The following ATP13A3 variants were observed in gnomAD, a reference collection of about 807,000 sequenced individuals.
ATP13A3 encodes the protein ATPase 13A3.
A neutral mutation model predicts 158.1 loss-of-function variants in ATP13A3; 59 were observed. The observed-to-expected ratio is 0.37, with a 90% CI of 0.30 to 0.46. The LOEUF (loss-of-function observed/expected upper bound fraction) is 0.46. ATP13A3 is among the 20% of genes least tolerant of loss of function. ATP13A3 has a pLI of 1.00. For missense variants in ATP13A3, 1,166 were observed against 1,525.2 expected (o/e 0.76, Z 3.92); for synonymous variants, 491 against 504.3 (o/e 0.97, Z 0.35).
At chr3:194,407,462 G>A (rs1715017270) in intron 33 of ATP13A3, among the ~76,000 whole-genome samples, 1 of 152,164 alleles carries the variant, frequency 6.6e-6, no homozygotes. Flanking sequence ...AGCTCTTAAA[G>A]CTTTTTCATA....
chr3:194,485,000 T>A (rs557972506), intron 2 of ATP13A3, among the ~76,000 whole-genome samples: 1 of 149,924 alleles, frequency 6.7e-6, no homozygotes, highest in African/African-American at 2.5e-5. Flanking sequence ...GAAGTTACAG[T>A]GAGCCGAGTT....
chr3:194,421,707 A>G (rs1716393426), intron 30 of ATP13A3, among the ~76,000 whole-genome samples: 1 of 152,062 alleles, frequency 6.6e-6, no homozygotes, highest in Non-Finnish European at 1.5e-5. Context: ...CAGATAAGGA[A>G]AAAGTGTTTG....
At chr3:194,469,295 T>C (rs777806653) in intron 2 of ATP13A3, among the ~76,000 whole-genome samples, 20 of 151,964 alleles carry the variant, frequency 1.3e-4, no homozygotes, top group Non-Finnish European at 2.4e-4. Flanking sequence ...CCATCTCTAC[T>C]AAAAATACAA....
Position 194,449,229 on chromosome 3 carries a change from T to A in ATP13A3, c.971-593A>T, listed in dbSNP as rs79112606. On this transcript the variant is annotated intron_variant, in intron 11 of 33. Coordinates refer to ENST00000645319, the MANE Select transcript of ATP13A3 (RefSeq NM_001367549.1). Reference sequence around the variant, plus strand: ...CACATTTCTTGCTTCAAAGAAGGCATGTGTGTCAGATATGTATTTGTTTGT... The same window carrying A: ...CACATTTCTTGCTTCAAAGAAGGCAAGTGTGTCAGATATGTATTTGTTTGT... 1.6e-3 allele frequency among the ~76,000 whole-genome samples: 249 copies of A among 152,290 alleles called. 2 individuals are homozygous for A. The Middle Eastern group carries it at 0.034, about 21-fold the overall frequency.
In ATP13A3 at chr3:194,464,093, G is replaced by A. The variant is rs775436543; in HGVS notation, c.-46-1857C>T. 9.9e-5 allele frequency among the ~76,000 whole-genome samples: 15 copies of A among 152,264 alleles called. 1 individual carries two copies. In the South Asian group the frequency reaches 2.9e-3, roughly 29 times the overall value. ...AGAGAATTGCTTGAACCCAGGAGGCGGAGGTTGTAGTAAGCTGAGATCACC... is the reference window on the plus strand; with the variant it reads ...AGAGAATTGCTTGAACCCAGGAGGCAGAGGTTGTAGTAAGCTGAGATCACC... On this transcript the variant is annotated intron_variant, in intron 2 of 33. Coordinates refer to ENST00000645319, the MANE Select transcript of ATP13A3 (RefSeq NM_001367549.1).
In ATP13A3 at chr3:194,421,114, G is replaced by GTGTATATA. The variant is rs774431656; in HGVS notation, c.3314-1148_3314-1147insTATATACA. Among the ~76,000 whole-genome samples the GTGTATATA allele has an allele frequency of 8.6e-4, 7 of 8,112 alleles. 1 individual carries two copies. The highest frequency in any genetic ancestry group is 3.4e-3 in the African/African-American group (6 of 1,746). The allele number at this position is 8,112 out of a possible 152,430, so 5.3% of individuals were successfully genotyped here. The stretch of plus-strand genomic sequence containing the variant: ...GTTTATATATACCAGTGTGTAGGGT[G>GTGTATATA]TATATATATATATATATATATAGTA... On this transcript the variant is annotated intron_variant, in intron 30 of 33. Coordinates refer to ENST00000645319, the MANE Select transcript of ATP13A3 (RefSeq NM_001367549.1).
intron 2 of ATP13A3, chr3:194,493,976 T>C (rs913932428): frequency 2.0e-5 from 8 of 393,682 alleles, no homozygotes; most frequent in African/African-American, 1.6e-4. Context: ...AGGAAGATTA[T>C]TTCTGCTTAC....
At chr3:194,447,726 T>C in intron 13 of ATP13A3, 126 bp downstream of exon 13, 2 of 833,780 alleles carry the variant, frequency 2.4e-6, no homozygotes, top group South Asian at 3.8e-5. Context: ...TAGCATTAAA[T>C]TAATTAAAAT....
chr3:194,408,060 G>GC (rs1715077829), intron 33 of ATP13A3, among the ~76,000 whole-genome samples: 1 of 145,394 alleles, frequency 6.9e-6, no homozygotes, highest in Admixed American at 7.0e-5. Flanking sequence ...TTGCTCTGTC[G>GC]CCAGGCTGGA....
chr3:194,420,695 T>C (rs114306799), intron 30 of ATP13A3, among the ~76,000 whole-genome samples: 13 of 152,022 alleles, frequency 8.6e-5, no homozygotes, highest in African/African-American at 2.9e-4. Context: ...TGCTTGCTCA[T>C]GGCCATTTTC....
intron 31 of ATP13A3, among the ~76,000 whole-genome samples, chr3:194,415,270 G>C (rs1485020469): frequency 1.3e-5 from 2 of 152,218 alleles, no homozygotes; most frequent in African/African-American, 4.8e-5. Flanking sequence ...GAGGCTAACG[G>C]CCTTGCTGAG....
intron 6 of ATP13A3, chr3:194,459,259 T>G (rs909204018): frequency 1.9e-6 from 1 of 515,136 alleles, no homozygotes; most frequent in Admixed American, 3.5e-5. Flanking sequence ...CTAAGTTTCA[T>G]GTAAACTCTG....
At chr3:194,493,753 T>G (rs942447662) in intron 2 of ATP13A3, among the ~76,000 whole-genome samples, 74 of 152,312 alleles carry the variant, frequency 4.9e-4, no homozygotes, top group Non-Finnish European at 7.2e-4. Flanking sequence ...TTATTCATGT[T>G]TTTTTCCTAA....
At chr3:194,410,310 A>AC (rs1370092935) in intron 33 of ATP13A3, among the ~76,000 whole-genome samples, 9 of 141,738 alleles carry the variant, frequency 6.3e-5, no homozygotes, top group Admixed American at 2.1e-4. Context: ...AAAAAAAAAA[A>AC]AAAAAAAAAA....
rs563657210 is a variant in ATP13A3, at chr3:194,448,344, C to T, written c.1150+113G>A. The T allele has an allele frequency of 2.3e-5, 29 of 1,272,364 alleles. No individual in the cohort carries two copies. Among genetic ancestry groups the T allele is most frequent in the Admixed American group, 4.2e-5 (2 of 47,424 alleles). 78.8% of individuals were successfully genotyped at this position (1,272,364 alleles called of 1,614,324 possible). ...CCGCCCACCTCGGCTTCCCAAAGTG[C>T]TGGGATTACAGGCGTTAGCCACAGC... On this transcript the variant is annotated intron_variant, in intron 12 of 33. Coordinates refer to ENST00000645319, the MANE Select transcript of ATP13A3 (RefSeq NM_001367549.1). The surrounding 1 kb of genome is among the most constrained non-coding windows in gnomAD (Gnocchi z 4.0).
At chr3:194,458,555 T>G (rs936825916) in intron 6 of ATP13A3, among the ~76,000 whole-genome samples, 1 of 152,024 alleles carries the variant, frequency 6.6e-6, no homozygotes, top group African/African-American at 2.4e-5. Flanking sequence ...AGGCTAATTT[T>G]TTTTGTATTT....
intron 33 of ATP13A3, among the ~76,000 whole-genome samples, chr3:194,407,767 T>C (rs13327686): frequency 0.14 from 20,926 of 152,072 alleles, 2,079 homozygotes; most frequent in African/African-American, 0.27. Flanking sequence ...AAGAGAGTTA[T>C]ATCAGCATCA....
rs1050077081 is a variant in ATP13A3, at chr3:194,404,358, T to A, written c.*1561A>T. The A allele has an allele frequency of 8.6e-6, 2 of 233,566 alleles. No individual in the cohort carries two copies. Among genetic ancestry groups the A allele is most frequent in the African/African-American group, 4.7e-5 (2 of 42,216 alleles). 14.5% of individuals were successfully genotyped at this position (233,566 alleles called of 1,614,324 possible). On this transcript the variant is annotated 3_prime_UTR_variant, in exon 34 of 34. Transcript: ENST00000645319. The stretch of plus-strand genomic sequence containing the variant: ...ATTTTTCTATAGTTACCAAACATCA[T>A]CCAGGTCTTTGCAGCATAAAGAGTG...
chr3:194,456,075 A>C, intron 7 of ATP13A3, 113 bp from the exon 8 acceptor site: 2 of 579,570 alleles, frequency 3.5e-6, no homozygotes, highest in Non-Finnish European at 5.8e-6. Flanking sequence ...TCATGTCTCC[A>C]AACACCTGTC....
Sources: allele counts gnomAD v4.1 joint callset (sites outside exome capture counted in the v4.1 genomes callset), GRCh38; gene constraint gnomAD v4.1.1; non-coding constraint Gnocchi (gnomAD v3.1); transcripts MANE v1.5; gene names NCBI Gene and HGNC (gene_info 2026-07-23, HGNC 2026-07-21).